Variants in PIP5K1A observed in about 807,000 individuals in gnomAD.
PIP5K1A encodes phosphatidylinositol 4-phosphate 5-kinase type-1 alpha.
A neutral mutation model predicts 72.9 loss-of-function variants in PIP5K1A; 46 were observed. The ratio of observed to expected loss-of-function variants is 0.63; its 90% CI spans 0.50 to 0.81. The LOEUF (loss-of-function observed/expected upper bound fraction) is 0.81. PIP5K1A is among the 30% of genes least tolerant of loss of function. The pLI is 0.00. For missense variants in PIP5K1A, 458 were observed against 706.1 expected, an observed-to-expected ratio of 0.65 and a Z score of 3.98; for synonymous variants, 228 against 255.1, an observed-to-expected ratio of 0.89 and a Z score of 1.01.
chr1:151,200,853 G>A (rs1321226062), intron 1 of PIP5K1A, among the ~76,000 whole-genome samples: 7 of 146,870 alleles, frequency 4.8e-5, no homozygotes, highest in African/African-American at 1.8e-4. Context: ...TTTTTGAGAC[G>A]GAGTCTCGCT....
chr1:151,195,883 G>GGTTT (rs1558218879), upstream of PIP5K1A, among the ~76,000 whole-genome samples: 1 of 50,334 alleles, frequency 2.0e-5, no homozygotes. Flanking sequence ...AACACCAGCC[G>GGTTT]ATTTTTTTTT....
intron 14 of PIP5K1A, among the ~76,000 whole-genome samples, chr1:151,244,758 T>A (rs1692252219): frequency 6.6e-6 from 1 of 152,294 alleles, no homozygotes; most frequent in African/African-American, 2.4e-5. Flanking sequence ...TGGATTTTGA[T>A]ATTCAAGGAG....
chr1:151,222,291 A>G (rs1688499636), intron 1 of PIP5K1A, among the ~76,000 whole-genome samples: 1 of 152,144 alleles, frequency 6.6e-6, no homozygotes, highest in African/African-American at 2.4e-5. Flanking sequence ...TAATAGCATC[A>G]TCACCCTGCG....
In PIP5K1A at chr1:151,200,113, A is replaced by C. The variant is rs80041063; in HGVS notation, c.85+1032A>C. 4.9e-4 allele frequency among the ~76,000 whole-genome samples: 75 copies of C among 151,768 alleles called. 3 individuals are homozygous for C. In the East Asian group the frequency reaches 0.014, roughly 28 times the overall value. On this transcript the variant is annotated intron_variant, in intron 1 of 15. Transcript: ENST00000368888. ...CCTTAAAAACAGATGGGAAAGATGG[A>C]ATGGAGTCTTGAATTGCAGTAGAGA...
At chr1:151,223,644 CA>C (rs34562554) in intron 1 of PIP5K1A, among the ~76,000 whole-genome samples, 23,836 of 120,080 alleles carry the variant, frequency 0.2, 2,066 homozygotes, top group African/African-American at 0.24. Flanking sequence ...GACTCTGTCT[CA>C]AAAAAAAAAA....
chr1:151,218,949 G>A (rs587594029), intron 1 of PIP5K1A, among the ~76,000 whole-genome samples: 6 of 151,968 alleles, frequency 3.9e-5, no homozygotes, highest in Non-Finnish European at 7.4e-5. Context: ...TTGATTTTGA[G>A]CCCATTCCTT....
intron 1 of PIP5K1A, among the ~76,000 whole-genome samples, chr1:151,220,626 C>T (rs1321949486): frequency 6.6e-6 from 1 of 152,188 alleles, no homozygotes; most frequent in Non-Finnish European, 1.5e-5. Flanking sequence ...ACCACCTTGC[C>T]CAGCTAATTT....
At chr1:151,206,990 C>T (rs1313057962) in intron 1 of PIP5K1A, among the ~76,000 whole-genome samples, 2 of 152,174 alleles carry the variant, frequency 1.3e-5, no homozygotes, top group African/African-American at 2.4e-5. Context: ...CTGTCTTAGC[C>T]TCCCTAGTAG....
intron 6 of PIP5K1A, 35 bp downstream of exon 6, chr1:151,232,400 G>C: frequency 6.6e-7 from 1 of 1,520,282 alleles, no homozygotes; most frequent in South Asian, 1.1e-5. Context: ...TGTGACTCCA[G>C]TATCAGAGGG....
chr1:151,214,340 G>T (rs1019237139), intron 1 of PIP5K1A, among the ~76,000 whole-genome samples: 1 of 151,824 alleles, frequency 6.6e-6, no homozygotes, highest in African/African-American at 2.4e-5. Context: ...GATTTTTAAG[G>T]CTTTTTGCTT....
rs1570888950 is a variant in PIP5K1A at position 151,224,126 on chromosome 1, G to A, written c.86-119G>A. On this transcript the variant is annotated intron_variant, in intron 1 of 15. Coordinates refer to ENST00000368888, the MANE Select transcript of PIP5K1A (RefSeq NM_001135638.2). ...ATCCAAAAGGATCTGGTATTACTGA[G>A]CAAGAGGCAGGAGTTTATACTTATG... is the stretch of plus-strand genomic sequence containing the variant. 6.3e-5 allele frequency: 56 copies of A among 893,494 alleles called. No individual in the cohort carries two copies. In the East Asian group the frequency reaches 1.3e-3, roughly 21 times the overall value. 55.3% of individuals were successfully genotyped at this position (893,494 alleles called of 1,614,324 possible). A position where few individuals can be genotyped will look rare whatever the true frequency, so the allele number is the denominator to read the frequency against.
At chr1:151,213,604 T>G (rs1687164704) in intron 1 of PIP5K1A, 1 of 152,166 alleles carries the variant, frequency 6.6e-6, no homozygotes, top group African/African-American at 2.4e-5. Context: ...AAAGAGGGTA[T>G]GAGAACGTAA....
rs1242723276 is a variant in PIP5K1A, at chr1:151,245,447, C to T, written c.1641-1473C>T. 2.0e-5 allele frequency among the ~76,000 whole-genome samples: 3 copies of T among 152,148 alleles called. No individual in the cohort carries two copies. The East Asian group carries it at 5.8e-4, about 29-fold the overall frequency. ...TTTTCACTAAAATGCTCCTCCAAGC[C>T]ACCCCCAATGTTTTGTTTTGTTTTG... On this transcript the variant is annotated intron_variant, in intron 14 of 15. Transcript: ENST00000368888.
intron 1 of PIP5K1A, among the ~76,000 whole-genome samples, chr1:151,200,082 C>T (rs919399246): frequency 6.6e-6 from 1 of 151,772 alleles, no homozygotes; most frequent in Non-Finnish European, 1.5e-5. Flanking sequence ...AAATTAAGGT[C>T]AAAGACCTTA....
At chr1:151,214,311 T>C (rs1687269696) in intron 1 of PIP5K1A, among the ~76,000 whole-genome samples, 1 of 152,184 alleles carries the variant, frequency 6.6e-6, no homozygotes, top group East Asian at 1.9e-4. Context: ...TAGTACTTCT[T>C]GGTCAGATTG....
chr1:151,204,981 T>C (rs186389495), intron 1 of PIP5K1A, among the ~76,000 whole-genome samples: 477 of 152,338 alleles, frequency 3.1e-3, no homozygotes, highest in Non-Finnish European at 5.6e-3. Flanking sequence ...CTCTTCTGAT[T>C]AATACCTTTG....
chr1:151,229,800 T>A (rs1689763288), intron 4 of PIP5K1A, among the ~76,000 whole-genome samples: 1 of 151,432 alleles, frequency 6.6e-6, no homozygotes, highest in Non-Finnish European at 1.5e-5. Context: ...AAACTAGTTG[T>A]AGGCTGGGCA....
rs1180391647 is a variant in PIP5K1A, at chr1:151,247,848, A to G, written c.1687-15A>G. On this transcript the variant is annotated splice_polypyrimidine_tract_variant and intron_variant, in intron 15 of 15. Transcript: ENST00000368888. Reference sequence around the variant, plus strand: ...TCATACTCCACATCCTTAACTTTACACTCTCCCTTTTCAGTAAGCGCAAAG... The same window carrying G: ...TCATACTCCACATCCTTAACTTTACGCTCTCCCTTTTCAGTAAGCGCAAAG... 3.1e-6 allele frequency: 5 copies of G among 1,602,976 alleles called. No homozygotes were observed. Among genetic ancestry groups the G allele is most frequent in the Non-Finnish European group, 4.3e-6 (5 of 1,172,106 alleles).
At chr1:151,201,607 C>G (rs587702064) in intron 1 of PIP5K1A, among the ~76,000 whole-genome samples, 1 of 151,988 alleles carries the variant, frequency 6.6e-6, no homozygotes, top group Non-Finnish European at 1.5e-5. Context: ...CCGCCCACTT[C>G]GGCCTCCAAA....
Sources: allele counts gnomAD v4.1 joint callset (sites outside exome capture counted in the v4.1 genomes callset), GRCh38; gene constraint gnomAD v4.1.1; transcripts MANE v1.5; gene names NCBI Gene and HGNC (gene_info 2026-07-23, HGNC 2026-07-21).